The following CDH4 variants were observed in gnomAD, a reference collection of about 807,000 sequenced individuals.
CDH4 encodes cadherin 4.
Under a neutral mutation model 86.0 loss-of-function variants are expected in CDH4, and 33 were observed. That is an observed-to-expected ratio of 0.38 (90% confidence interval 0.29 to 0.51). The LOEUF is 0.51. Among genes scored for constraint, CDH4 ranks in the 20% least tolerant of loss-of-function variants. The pLI, the probability that CDH4 is intolerant of heterozygous loss-of-function variation, is 0.86. For synonymous variants in CDH4, 555 were observed against 549.4 expected (o/e 1.01, Z -0.14); for missense variants, 1,114 against 1,307.4 (o/e 0.85, Z 2.28).
At chr20:61,279,614 G>A (rs1024350430) in intron 2 of CDH4, among the ~76,000 whole-genome samples, 1 of 152,182 alleles carries the variant, frequency 6.6e-6, no homozygotes, top group African/African-American at 2.4e-5. Flanking sequence ...GATGGGCCTC[G>A]ACAGCAGGGA....
chr20:61,462,597 T>C (rs2085450163), intron 2 of CDH4, among the ~76,000 whole-genome samples: 1 of 152,214 alleles, frequency 6.6e-6, no homozygotes, highest in Non-Finnish European at 1.5e-5. Context: ...TGAGCCTCCC[T>C]CAGCCCCCTT....
chr20:61,665,799 C>T (rs1342334432), intron 2 of CDH4, among the ~76,000 whole-genome samples: 1 of 152,210 alleles, frequency 6.6e-6, no homozygotes, highest in Non-Finnish European at 1.5e-5. Context: ...GTGGCTGCTG[C>T]ATGCACAGCG....
intron 2 of CDH4, among the ~76,000 whole-genome samples, chr20:61,643,014 A>G (rs2145804371): frequency 6.6e-6 from 1 of 152,300 alleles, no homozygotes; most frequent in Middle Eastern, 3.4e-3. Context: ...GCAAAGTCCT[A>G]GTTGCTATGT....
intron 2 of CDH4, among the ~76,000 whole-genome samples, chr20:61,566,839 C>T (rs1424859449): frequency 2.6e-5 from 4 of 152,148 alleles, no homozygotes; most frequent in Non-Finnish European, 4.4e-5. Context: ...TGCGCCTCCT[C>T]GGGGAGTTCT....
chr20:61,501,987 C>T lies in CDH4; in HGVS notation c.170-241576C>T, dbSNP rs1321949841. The stretch of plus-strand genomic sequence containing the variant: ...GGGCACGTTAGCCCAGGCCGTTACC[C>T]TTTAGTGGGCGCGTGAGGGCTGTGG... On this transcript the variant is annotated intron_variant, in intron 2 of 15. Coordinates refer to ENST00000614565, the MANE Select transcript of CDH4 (RefSeq NM_001794.5). The surrounding 1 kb of genome is among the most constrained non-coding windows in gnomAD (Gnocchi z 4.2). Among the ~76,000 whole-genome samples the T allele has an allele frequency of 6.6e-6, 1 of 151,776 alleles. No individual in the cohort carries two copies. The highest frequency in any genetic ancestry group is 2.4e-5 in the African/African-American group (1 of 41,290).
chr20:61,573,861 T>G (rs1782373419), intron 2 of CDH4, among the ~76,000 whole-genome samples: 1 of 152,210 alleles, frequency 6.6e-6, no homozygotes, highest in Non-Finnish European at 1.5e-5. Context: ...GGGAAAGCTG[T>G]GTGCTGATAA....
intron 2 of CDH4, among the ~76,000 whole-genome samples, chr20:61,302,871 G>A (rs2050675434): frequency 6.6e-6 from 1 of 152,204 alleles, no homozygotes; most frequent in African/African-American, 2.4e-5. Context: ...CTTCCAAAAG[G>A]GAGGCCGGAG....
At chr20:61,791,231 G>A (rs778967920) in intron 4 of CDH4, among the ~76,000 whole-genome samples, 6 of 152,240 alleles carry the variant, frequency 3.9e-5, no homozygotes, top group Non-Finnish European at 7.3e-5. Context: ...GGTGTTTGGG[G>A]AAAGCCATTC....
intron 2 of CDH4, among the ~76,000 whole-genome samples, chr20:61,650,869 A>C (rs960855246): frequency 2.6e-5 from 4 of 152,244 alleles, no homozygotes; most frequent in African/African-American, 9.6e-5. Context: ...CAGGGGGTTT[A>C]ATCAACACTT....
intron 7 of CDH4, among the ~76,000 whole-genome samples, chr20:61,893,525 G>A (rs1370087207): frequency 9.2e-5 from 13 of 141,564 alleles, no homozygotes; most frequent in South Asian, 2.5e-4. Flanking sequence ...ATGGGTGGGC[G>A]AATAGAGAGA....
At chr20:61,849,499 C>T (rs536202434) in intron 5 of CDH4, among the ~76,000 whole-genome samples, 2 of 152,298 alleles carry the variant, frequency 1.3e-5, no homozygotes, top group Non-Finnish European at 2.9e-5. Flanking sequence ...ATCAAAGTGC[C>T]GGCCAGCCTG....
chr20:61,594,367 C>T (rs79021512), intron 2 of CDH4, among the ~76,000 whole-genome samples: 2,830 of 152,132 alleles, frequency 0.019, 76 homozygotes, highest in African/African-American at 0.055. Context: ...GCCCTAGATG[C>T]GGAGGGAGGA....
rs1568886609 is a variant in CDH4, at chr20:61,546,079, T to TGGGA, written c.170-197484_170-197483insGGGA. On this transcript the variant is annotated intron_variant, in intron 2 of 15. Transcript: ENST00000614565. ...TCTGTGCATGTGTGGAGGGGGTTTGTTCACACGTGTGTGTGTGGAGGGGTG... is the reference window on the plus strand; with the variant it reads ...TCTGTGCATGTGTGGAGGGGGTTTGTGGGATCACACGTGTGTGTGTGGAGGGGTG... Among the ~76,000 whole-genome samples, 171 of 97,358 alleles carry TGGGA rather than the reference T, an allele frequency of 1.8e-3. 20 individuals carry two copies. Among genetic ancestry groups the TGGGA allele is most frequent in the East Asian group, 2.6e-3 (8 of 3,100 alleles). 63.9% of individuals were successfully genotyped at this position (97,358 alleles called of 152,430 possible).
chr20:61,466,235 G>C (rs948290674), intron 2 of CDH4, among the ~76,000 whole-genome samples: 3 of 152,172 alleles, frequency 2.0e-5, no homozygotes, highest in South Asian at 2.1e-4. Context: ...GCATCAGACT[G>C]TTTGATTCAA....
chr20:61,888,223 G>A (rs1299369631), intron 7 of CDH4, among the ~76,000 whole-genome samples: 8 of 152,192 alleles, frequency 5.3e-5, no homozygotes, highest in African/African-American at 1.2e-4. Flanking sequence ...ATGAGACTCC[G>A]CAGGCAGGAT....
rs186215551 is a variant in CDH4, at chr20:61,605,450, T to C, written c.170-138113T>C. ...ATGTATATCTGTCTCCCTCTCTCTC[T>C]TTCTCTGTCTCTGTCTCTCTATTTG... On this transcript the variant is annotated intron_variant, in intron 2 of 15. Transcript: ENST00000614565. 5.3e-5 allele frequency among the ~76,000 whole-genome samples: 8 copies of C among 152,140 alleles called. No individual in the cohort carries two copies. The East Asian group carries it at 1.5e-3, about 29-fold the overall frequency.
intron 2 of CDH4, among the ~76,000 whole-genome samples, chr20:61,630,052 G>T (rs1266490358): frequency 6.6e-6 from 1 of 152,142 alleles, no homozygotes; most frequent in African/African-American, 2.4e-5. Flanking sequence ...GACACCCAGG[G>T]AGCCTGGCAG....
intron 2 of CDH4, among the ~76,000 whole-genome samples, chr20:61,655,317 T>C (rs953219261): frequency 5.3e-5 from 8 of 152,214 alleles, no homozygotes; most frequent in Non-Finnish European, 7.3e-5. Flanking sequence ...GTGGATGATA[T>C]ATTACTTCAT....
At chr20:61,288,789 C>T (rs111569675) in intron 2 of CDH4, among the ~76,000 whole-genome samples, 4,227 of 152,246 alleles carry the variant, frequency 0.028, 187 homozygotes, top group African/African-American at 0.093. Context: ...CAAAGCAGGG[C>T]GGCCAAACAA....
Sources: gnomAD v4.1 joint callset for allele counts (sites outside exome capture counted in the v4.1 genomes callset) on GRCh38, gnomAD v4.1.1 for gene constraint, Gnocchi (gnomAD v3.1) non-coding constraint, MANE v1.5 for transcripts, NCBI Gene and HGNC (gene_info 2026-07-23, HGNC 2026-07-21) for gene names.